Variants in CDH13 observed in about 807,000 individuals in gnomAD.
The protein encoded by CDH13 is cadherin 13.
Under a neutral mutation model 63.8 loss-of-function variants are expected in CDH13, and 24 were observed. The observed-to-expected ratio is 0.38, with a 90% CI of 0.27 to 0.53. The LOEUF (loss-of-function observed/expected upper bound fraction) is 0.53. Ranked by LOEUF, CDH13 falls within the 20% of genes least tolerant of loss-of-function variation. CDH13 has a pLI of 0.85. For missense variants in CDH13, 1,049 were observed against 903.1 expected (o/e 1.16, Z -2.07); for synonymous variants, 503 against 355.3 (o/e 1.42, Z -4.67).
At chr16:83,010,304 C>A (rs1179874823) in intron 2 of CDH13, among the ~76,000 whole-genome samples, 5 of 152,008 alleles carry the variant, frequency 3.3e-5, no homozygotes, top group Non-Finnish European at 7.4e-5. Flanking sequence ...AATTGGAGGT[C>A]AGAGAGGTTA....
chr16:82,987,931 A>G (rs1224444327), intron 2 of CDH13, among the ~76,000 whole-genome samples: 1 of 152,230 alleles, frequency 6.6e-6, no homozygotes, highest in Non-Finnish European at 1.5e-5. Flanking sequence ...TGAAGTGTTC[A>G]TCATGATCTG....
intron 6 of CDH13, among the ~76,000 whole-genome samples, chr16:83,376,877 C>G (rs546983281): frequency 3.9e-5 from 6 of 152,264 alleles, no homozygotes; most frequent in Admixed American, 2.6e-4. Flanking sequence ...ATTTAATTTA[C>G]TGTCTCTTGC....
intron 2 of CDH13, among the ~76,000 whole-genome samples, chr16:82,986,072 A>G (rs1910899872): frequency 6.6e-6 from 1 of 152,208 alleles, no homozygotes; most frequent in Non-Finnish European, 1.5e-5. Context: ...ACGTACTTCT[A>G]TATAGTGACG....
chr16:82,727,885 C>T (rs755783335), intron 1 of CDH13, among the ~76,000 whole-genome samples: 3 of 152,072 alleles, frequency 2.0e-5, no homozygotes, highest in African/African-American at 4.8e-5. Context: ...ACAGATCAGC[C>T]CGTTCTGTGT....
intron 2 of CDH13, among the ~76,000 whole-genome samples, chr16:82,948,224 C>T (rs1034709817): frequency 1.3e-5 from 2 of 152,136 alleles, no homozygotes; most frequent in African/African-American, 4.8e-5. Context: ...TCCCCCAAAT[C>T]TGCTTTCTAA....
chr16:82,657,042 C>T (rs949245824), intron 1 of CDH13, among the ~76,000 whole-genome samples: 1 of 151,470 alleles, frequency 6.6e-6, no homozygotes, highest in African/African-American at 2.4e-5. Context: ...AATAAAGCTG[C>T]TATAAACATT....
chr16:82,737,498 G>T, intron 1 of CDH13, among the ~76,000 whole-genome samples: 1 of 152,220 alleles, frequency 6.6e-6, no homozygotes, highest in East Asian at 1.9e-4. Context: ...GAGAGGGGTG[G>T]TCTGATGACT....
At chr16:83,234,228 C>T (rs1159179067) in intron 5 of CDH13, among the ~76,000 whole-genome samples, 2 of 152,152 alleles carry the variant, frequency 1.3e-5, no homozygotes, top group African/African-American at 2.4e-5. Flanking sequence ...TGCAAATCTT[C>T]CTTTTCTCAT....
intron 11 of CDH13, among the ~76,000 whole-genome samples, chr16:83,748,987 G>C (rs988271660): frequency 6.6e-6 from 1 of 152,122 alleles, no homozygotes; most frequent in African/African-American, 2.4e-5. Context: ...GACTAGGAGG[G>C]GATGAGAAAA....
intron 1 of CDH13, among the ~76,000 whole-genome samples, chr16:82,802,582 C>T (rs1361363013): frequency 2.6e-5 from 4 of 152,158 alleles, no homozygotes; most frequent in Non-Finnish European, 4.4e-5. Context: ...TAGGTGTGCC[C>T]ACAGCCCAGG....
chr16:83,595,798 G>A (rs1833969), intron 7 of CDH13, among the ~76,000 whole-genome samples: 72,188 of 152,062 alleles, frequency 0.47, 18,551 homozygotes, highest in East Asian at 0.67. Context: ...AAGGAAATAG[G>A]ATCCAGTGAA....
At chr16:83,012,669 C>A (rs1307989979) in intron 2 of CDH13, among the ~76,000 whole-genome samples, 1 of 152,130 alleles carries the variant, frequency 6.6e-6, no homozygotes, top group Non-Finnish European at 1.5e-5. Context: ...TTGATCTAAG[C>A]ATGATTCCCA....
chr16:82,892,433 A>G (rs2041112912), intron 2 of CDH13, among the ~76,000 whole-genome samples: 1 of 152,196 alleles, frequency 6.6e-6, no homozygotes, highest in South Asian at 2.1e-4. Flanking sequence ...ATTTTCCTTC[A>G]TAAGTGTTAT....
intron 6 of CDH13, among the ~76,000 whole-genome samples, chr16:83,478,642 G>A (rs1390200758): frequency 6.6e-6 from 1 of 152,100 alleles, no homozygotes; most frequent in Non-Finnish European, 1.5e-5. Flanking sequence ...CCCAGACCTT[G>A]CCTTAGGCCT....
chr16:82,636,279 G>C (rs906354351), intron 1 of CDH13, among the ~76,000 whole-genome samples: 1 of 152,022 alleles, frequency 6.6e-6, no homozygotes, highest in Non-Finnish European at 1.5e-5. Flanking sequence ...GTCGGTCTGA[G>C]GGCTTCTCTA....
At position 82,741,210 on chromosome 16, in the gene CDH13, C is replaced by T. The variant is rs796257487; in HGVS notation, c.45+114073C>T. On this transcript the variant is annotated intron_variant, in intron 1 of 13. Coordinates refer to ENST00000567109, the MANE Select transcript of CDH13 (RefSeq NM_001257.5). ...CCATTGATATAGCTCAAACCCTCGG[C>T]TAGCTTTACAATAACCTTCACAGTG... Among the ~76,000 whole-genome samples the T allele has an allele frequency of 6.6e-5, 10 of 152,324 alleles. 1 individual carries two copies. Among genetic ancestry groups the T allele is most frequent in the African/African-American group, 2.4e-4 (10 of 41,566 alleles).
intron 1 of CDH13, among the ~76,000 whole-genome samples, chr16:82,683,457 A>G (rs1394423686): frequency 1.3e-5 from 2 of 152,176 alleles, no homozygotes; most frequent in African/African-American, 4.8e-5. Context: ...AGTGACACGG[A>G]AGGATGGCCG....
intron 7 of CDH13, among the ~76,000 whole-genome samples, chr16:83,530,762 C>G (rs767415736): frequency 0.022 from 3,341 of 152,284 alleles, 55 homozygotes; most frequent in Non-Finnish European, 0.033. Context: ...CTGGTCCTGA[C>G]AAAGAAGGAC....
intron 6 of CDH13, among the ~76,000 whole-genome samples, chr16:83,389,224 T>G (rs1178409648): frequency 6.6e-6 from 1 of 152,246 alleles, no homozygotes; most frequent in Non-Finnish European, 1.5e-5. Context: ...TTTTAAAAAG[T>G]CAGATATGCA....
Sources: allele counts gnomAD v4.1 joint callset (sites outside exome capture counted in the v4.1 genomes callset), GRCh38; gene constraint gnomAD v4.1.1; transcripts MANE v1.5; gene names NCBI Gene and HGNC (gene_info 2026-07-23, HGNC 2026-07-21).